Variants in ACAA2 observed in about 807,000 individuals in gnomAD.
The protein encoded by ACAA2 is acetyl-CoA acyltransferase 2, also known as 3-ketoacyl-CoA thiolase, mitochondrial.
ACAA2 carries 35 observed loss-of-function variants against 44.8 expected under a neutral mutation model. The ratio of observed to expected loss-of-function variants is 0.78; its 90% CI spans 0.60 to 1.04. ACAA2 has a LOEUF of 1.04. Ranked by LOEUF, ACAA2 falls within the 50% of genes least tolerant of loss-of-function variation. The pLI is 0.00. For synonymous variants in ACAA2, 142 were observed against 166.5 expected, an observed-to-expected ratio of 0.85 and a Z score of 1.13; for missense variants, 468 against 482.6, an observed-to-expected ratio of 0.97 and a Z score of 0.28.
At chr18:49,794,721 G>A (rs1294182601) in intron 4 of ACAA2, among the ~76,000 whole-genome samples, 7 of 152,112 alleles carry the variant, frequency 4.6e-5, no homozygotes, top group East Asian at 1.9e-4. Flanking sequence ...GTTACCCTAC[G>A]ATCAAAAATT....
chr18:49,811,542 A>G (rs1307206157), intron 1 of ACAA2: 1 of 152,236 alleles, frequency 6.6e-6, no homozygotes, highest in Non-Finnish European at 1.5e-5. Context: ...AATCTGACAA[A>G]TTAATGTTAA....
rs144262881 is a variant in ACAA2, at chr18:49,797,469, A to C, written c.309T>G (p.Cys103Trp). 1 of 1,606,502 alleles carries C rather than the reference A, an allele frequency of 6.2e-7. No homozygotes were observed. The highest frequency in any genetic ancestry group is 8.5e-7 in the Non-Finnish European group (1 of 1,178,268). ...GSGFQSIVNG[C>W]QEICVKEAEV... ...TTTAAAAAAATGTTGTCCATACCTG[A>C]CATCCATTCACAATGGACTGAAAAC... The change falls in exon 3 of 10, where the codon TGT becomes TGG. Residue 103 changes from cysteine (C) to tryptophan (W), a missense_variant. Physicochemically the swap from Cys to Trp is radical, Grantham distance 215. Coordinates refer to ENST00000285093, the MANE Select transcript of ACAA2 (RefSeq NM_006111.3).
chr18:49,798,854 A>G (rs1276679836), intron 2 of ACAA2, among the ~76,000 whole-genome samples: 1 of 152,178 alleles, frequency 6.6e-6, no homozygotes, highest in Non-Finnish European at 1.5e-5. Flanking sequence ...AATATCACAT[A>G]TCAACAGAAT....
chr18:49,794,500 A>C, intron 4 of ACAA2, 73 bp from the exon 5 acceptor site: 1 of 1,194,368 alleles, frequency 8.4e-7, no homozygotes, highest in Admixed American at 3.4e-5. Flanking sequence ...AATTTCTTTA[A>C]ATAATCAACA....
At chr18:49,785,113 T>C (rs991547876) in intron 9 of ACAA2, 84 bp downstream of exon 9, 50 of 1,486,992 alleles carry the variant, frequency 3.4e-5, no homozygotes, top group Admixed American at 8.5e-5. Context: ...GAATGAAAAA[T>C]GTTGGAGTGT....
At chr18:49,788,594 G>C (rs2023361994) in intron 7 of ACAA2, among the ~76,000 whole-genome samples, 1 of 152,210 alleles carries the variant, frequency 6.6e-6, no homozygotes, top group African/African-American at 2.4e-5. Flanking sequence ...ATGAAAATGA[G>C]ATGGGTAGTC....
chr18:49,796,255 C>T (rs2023463534), intron 3 of ACAA2, among the ~76,000 whole-genome samples: 1 of 152,072 alleles, frequency 6.6e-6, no homozygotes, highest in Non-Finnish European at 1.5e-5. Flanking sequence ...AAATTTATCC[C>T]ATTAATGGAT....
rs1009935432 is a variant in ACAA2, at chr18:49,782,187, T to C, written c.*1660A>G. 1.3e-5 allele frequency: 2 copies of C among 151,202 alleles called. No homozygotes were observed. Among genetic ancestry groups the C allele is most frequent in the Non-Finnish European group, 2.9e-5 (2 of 67,940 alleles). 9.4% of individuals were successfully genotyped at this position (151,202 alleles called of 1,614,324 possible). On this transcript the variant is annotated 3_prime_UTR_variant, in exon 10 of 10. Transcript: ENST00000285093. ...AATGTTCTGCAAAACATTGTTTTAT[T>C]ATGAGAAATTATACAGGGCTCTTAC...
chr18:49,785,049 G>T, intron 9 of ACAA2, 148 bp downstream of exon 9: 1 of 940,204 alleles, frequency 1.1e-6, no homozygotes, highest in Non-Finnish European at 1.6e-6. Context: ...CAGATGAAAA[G>T]CACTGCCCAA....
At chr18:49,790,476 C>A (rs2023385496) in intron 7 of ACAA2, among the ~76,000 whole-genome samples, 1 of 152,166 alleles carries the variant, frequency 6.6e-6, no homozygotes, top group African/African-American at 2.4e-5. Context: ...TCTCTTGGAA[C>A]CCACCTCAGA....
At chr18:49,790,648 C>T (rs1220229615) in intron 7 of ACAA2, among the ~76,000 whole-genome samples, 1 of 152,094 alleles carries the variant, frequency 6.6e-6, no homozygotes, top group Non-Finnish European at 1.5e-5. Flanking sequence ...TTCCCTGTTC[C>T]CCCAGAGAAT....
At chr18:49,802,994 G>T in intron 1 of ACAA2, 141 bp from the exon 2 acceptor site, 1 of 955,896 alleles carries the variant, frequency 1.0e-6, no homozygotes, top group Non-Finnish European at 1.7e-6. Flanking sequence ...CCTAGAACAA[G>T]TCATACCCAT....
chr18:49,802,974 G>T, intron 1 of ACAA2, 121 bp from the exon 2 acceptor site: 1 of 1,152,912 alleles, frequency 8.7e-7, no homozygotes, highest in Non-Finnish European at 1.3e-6. Flanking sequence ...ATTTCTGTTA[G>T]GCAATAATAC....
intron 8 of ACAA2, 31 bp downstream of exon 8, chr18:49,787,260 T>TATAAAAA (rs1555789739): frequency 2.0e-6 from 2 of 1,023,526 alleles, no homozygotes; most frequent in Non-Finnish European, 1.3e-6. Context: ...TTCATGTTGT[T>TATAAAAA]AAAAAAAAAA....
intron 2 of ACAA2, among the ~76,000 whole-genome samples, chr18:49,798,152 C>T (rs548092770): frequency 2.0e-5 from 3 of 152,084 alleles, no homozygotes; most frequent in Non-Finnish European, 4.4e-5. Flanking sequence ...CTAAGCAAAT[C>T]AATTAAACCA....
intron 1 of ACAA2, among the ~76,000 whole-genome samples, chr18:49,803,445 T>C (rs963070018): frequency 3.5e-4 from 53 of 152,112 alleles, no homozygotes; most frequent in African/African-American, 1.2e-3. Context: ...CCCCTTAGAG[T>C]TGTAAGCCCT....
chr18:49,784,987 T>A (rs1053564222), intron 9 of ACAA2, among the ~76,000 whole-genome samples: 2 of 152,112 alleles, frequency 1.3e-5, no homozygotes, highest in Admixed American at 1.3e-4. Flanking sequence ...GAGGAAGAGC[T>A]TGGTTCTTAA....
At chr18:49,796,753 A>T (rs1488387341) in intron 3 of ACAA2, among the ~76,000 whole-genome samples, 1 of 151,950 alleles carries the variant, frequency 6.6e-6, no homozygotes, top group East Asian at 1.9e-4. Context: ...CACAGGTAAC[A>T]CTCACAGACC....
chr18:49,784,237 TTGTG>T (rs1031097725), intron 9 of ACAA2, among the ~76,000 whole-genome samples: 2 of 152,128 alleles, frequency 1.3e-5, no homozygotes, highest in African/African-American at 4.8e-5. Context: ...ATACAGAAGC[TTGTG>T]TGTGTTACGG....
Sources: allele counts gnomAD v4.1 joint callset (sites outside exome capture counted in the v4.1 genomes callset), GRCh38; gene constraint gnomAD v4.1.1; transcripts MANE v1.5; gene names NCBI Gene and HGNC (gene_info 2026-07-23, HGNC 2026-07-21).